NRG1: variants seen among roughly 807,000 people sequenced by gnomAD.
The protein encoded by NRG1 is neuregulin 1.
NRG1 carries 18 observed loss-of-function variants against 63.8 expected under a neutral mutation model. The observed-to-expected ratio is 0.28, with a 90% CI of 0.19 to 0.42. The LOEUF (loss-of-function observed/expected upper bound fraction) is 0.42. NRG1 is among the 10% of genes least tolerant of loss of function. The pLI, the probability that NRG1 is intolerant of heterozygous loss-of-function variation, is 1.00. For missense variants in NRG1, 762 were observed against 814.7 expected, an observed-to-expected ratio of 0.94 and a Z score of 0.79; for synonymous variants, 302 against 301.3, an observed-to-expected ratio of 1.00 and a Z score of -0.02.
intron 1 of NRG1, among the ~76,000 whole-genome samples, chr8:32,369,586 C>T (rs1808543663): frequency 6.6e-6 from 1 of 152,314 alleles, no homozygotes; most frequent in Non-Finnish European, 1.5e-5. Context: ...ACCCTGAAGG[C>T]ATCTCAAGAG....
chr8:32,347,536 T>C (rs1005893660), intron 1 of NRG1, among the ~76,000 whole-genome samples: 3 of 152,198 alleles, frequency 2.0e-5, no homozygotes, highest in Non-Finnish European at 2.9e-5. Context: ...TAACACCTCA[T>C]ATAGTAATGA....
intron 1 of NRG1, chr8:32,061,969 A>G (rs1045601728): frequency 5.9e-5 from 9 of 152,098 alleles, no homozygotes; most frequent in African/African-American, 2.2e-4. Flanking sequence ...CTAGAAAATT[A>G]TATTACAGGA....
intron 1 of NRG1, among the ~76,000 whole-genome samples, chr8:32,497,268 G>A (rs2129495779): frequency 6.6e-6 from 1 of 152,092 alleles, no homozygotes; most frequent in Non-Finnish European, 1.5e-5. Context: ...CCAACATGGT[G>A]AAAACCCGTC....
chr8:32,758,763 A>C (rs866674040), intron 9 of NRG1, among the ~76,000 whole-genome samples: 1 of 152,122 alleles, frequency 6.6e-6, no homozygotes, highest in Non-Finnish European at 1.5e-5. Context: ...ACTGCTAACA[A>C]GTTAAACATT....
intron 1 of NRG1, among the ~76,000 whole-genome samples, chr8:32,226,571 T>A (rs1563927547): frequency 6.6e-6 from 1 of 152,158 alleles, no homozygotes; most frequent in Non-Finnish European, 1.5e-5. Context: ...TCTAAAAAAA[T>A]ATTCCAAATC....
intron 1 of NRG1, among the ~76,000 whole-genome samples, chr8:32,241,672 T>C (rs1848108741): frequency 6.6e-6 from 1 of 152,182 alleles, no homozygotes; most frequent in South Asian, 2.1e-4. Flanking sequence ...GGTTCATTGT[T>C]ACAGTTTTCT....
intron 2 of NRG1, among the ~76,000 whole-genome samples, chr8:32,601,435 C>T (rs1017524105): frequency 6.6e-6 from 1 of 152,254 alleles, no homozygotes; most frequent in East Asian, 1.9e-4. Context: ...CTAACTCTTT[C>T]ACAAGACACC....
intron 1 of NRG1, among the ~76,000 whole-genome samples, chr8:32,085,094 A>C (rs1315906386): frequency 2.0e-5 from 3 of 152,194 alleles, no homozygotes; most frequent in Admixed American, 1.3e-4. Flanking sequence ...CTTAGTTTGA[A>C]GGAGGGAAAG....
intron 1 of NRG1, chr8:32,441,542 C>G (rs1334944599): frequency 1.3e-5 from 2 of 152,114 alleles, no homozygotes; most frequent in Admixed American, 6.6e-5. Context: ...ACCCTCAACC[C>G]CAGGAGTTTG....
At chr8:31,928,330 A>G (rs1192860374) in intron 1 of NRG1, among the ~76,000 whole-genome samples, 2 of 145,086 alleles carry the variant, frequency 1.4e-5, no homozygotes, top group Non-Finnish European at 3.0e-5. Flanking sequence ...GTCAAAAAAC[A>G]TAGATTTTGG....
chr8:32,201,259 T>C (rs1341075106), intron 1 of NRG1, among the ~76,000 whole-genome samples: 1 of 152,188 alleles, frequency 6.6e-6, no homozygotes, highest in Non-Finnish European at 1.5e-5. Flanking sequence ...TATTGTTACT[T>C]TAGTGGCATT....
intron 1 of NRG1, among the ~76,000 whole-genome samples, chr8:32,135,515 A>T (rs1218264326): frequency 6.6e-6 from 1 of 152,088 alleles, no homozygotes; most frequent in Non-Finnish European, 1.5e-5. Flanking sequence ...GCACAAAGGA[A>T]ATACAGAATT....
At chr8:31,662,992 A>G (rs1806153763) in intron 1 of NRG1, among the ~76,000 whole-genome samples, 1 of 152,062 alleles carries the variant, frequency 6.6e-6, no homozygotes, top group Non-Finnish European at 1.5e-5. Context: ...CTGGGCTTGT[A>G]TTACCAGGGA....
chr8:31,793,748 A>C (rs1371129682), intron 1 of NRG1, among the ~76,000 whole-genome samples: 3 of 152,208 alleles, frequency 2.0e-5, no homozygotes, highest in Non-Finnish European at 4.4e-5. Context: ...GAAGACAAGA[A>C]GAAATTTATT....
chr8:32,268,653 G>A (rs1851241219), intron 1 of NRG1, among the ~76,000 whole-genome samples: 1 of 152,086 alleles, frequency 6.6e-6, no homozygotes, highest in Non-Finnish European at 1.5e-5. Context: ...TTTATACAGG[G>A]TTTTTAGAAA....
At chr8:32,406,541 C>G (rs533844154) in intron 1 of NRG1, among the ~76,000 whole-genome samples, 1 of 137,256 alleles carries the variant, frequency 7.3e-6, no homozygotes, top group Non-Finnish European at 1.6e-5. Flanking sequence ...TTTCTGTGCA[C>G]TAGTTTATAT....
chr8:31,642,813 C>T (rs1803925629), intron 1 of NRG1, among the ~76,000 whole-genome samples: 1 of 152,098 alleles, frequency 6.6e-6, no homozygotes, highest in African/African-American at 2.4e-5. Flanking sequence ...TGCTTTTAAC[C>T]TCAAATAGAT....
intron 5 of NRG1, among the ~76,000 whole-genome samples, chr8:32,691,116 T>G (rs1352594942): frequency 1.3e-5 from 2 of 152,118 alleles, no homozygotes; most frequent in Non-Finnish European, 2.9e-5. Flanking sequence ...TGACTTAGTG[T>G]TATCTTGAAT....
intron 1 of NRG1, among the ~76,000 whole-genome samples, chr8:32,458,609 A>G (rs529404875): frequency 2.0e-4 from 31 of 152,260 alleles, no homozygotes; most frequent in Admixed American, 6.5e-4. Flanking sequence ...TGATATTTTC[A>G]TCATGTGTAG....
Sources: allele counts gnomAD v4.1 joint callset (sites outside exome capture counted in the v4.1 genomes callset), GRCh38; gene constraint gnomAD v4.1.1; transcripts MANE v1.5; gene names NCBI Gene and HGNC (gene_info 2026-07-23, HGNC 2026-07-21).